The following CACNA2D3 variants were observed in gnomAD, a reference collection of about 807,000 sequenced individuals.
CACNA2D3 encodes the protein voltage-dependent calcium channel subunit alpha-2/delta-3.
In CACNA2D3, 60 loss-of-function variants were observed where a neutral mutation model predicts 160.6. The observed-to-expected ratio is 0.37, with a 90% CI of 0.30 to 0.46. The LOEUF is 0.46. Among genes scored for constraint, CACNA2D3 ranks in the 20% least tolerant of loss-of-function variants. The probability of loss-of-function intolerance (pLI) is 1.00; values close to 1 mark genes in which losing one functional copy is unlikely to be tolerated. For missense variants in CACNA2D3, 1,205 were observed against 1,365.0 expected (o/e 0.88, Z 1.85); for synonymous variants, 558 against 492.9 (o/e 1.13, Z -1.75).
intron 9 of CACNA2D3, among the ~76,000 whole-genome samples, chr3:54,620,830 A>G (rs532905566): frequency 6.6e-6 from 1 of 152,300 alleles, no homozygotes; most frequent in South Asian, 2.1e-4. Flanking sequence ...CTCGGCCTAC[A>G]TGTAAAATAA....
chr3:54,444,882 CCG>C (rs1043405755), intron 4 of CACNA2D3, among the ~76,000 whole-genome samples: 3 of 152,198 alleles, frequency 2.0e-5, no homozygotes, highest in African/African-American at 7.2e-5. Flanking sequence ...AGATAAACAT[CCG>C]CTTTCTTGGA....
At chr3:54,814,663 A>G (rs1486437444) in intron 13 of CACNA2D3, among the ~76,000 whole-genome samples, 1 of 152,234 alleles carries the variant, frequency 6.6e-6, no homozygotes, top group African/African-American at 2.4e-5. Flanking sequence ...TTCTTGAGGA[A>G]AATATATGTT....
chr3:54,924,390 G>T (rs1339867261), intron 27 of CACNA2D3, among the ~76,000 whole-genome samples: 1 of 152,164 alleles, frequency 6.6e-6, no homozygotes, highest in Admixed American at 6.5e-5. Context: ...TTAAACAAGT[G>T]AAAGTTATCT....
chr3:54,334,775 A>G (rs1704339226), intron 3 of CACNA2D3, among the ~76,000 whole-genome samples: 1 of 152,222 alleles, frequency 6.6e-6, no homozygotes, highest in African/African-American at 2.4e-5. Flanking sequence ...TACATGGCGA[A>G]CACTTTGTAA....
intron 4 of CACNA2D3, among the ~76,000 whole-genome samples, chr3:54,478,670 A>G (rs867043838): frequency 0.022 from 2,933 of 133,552 alleles, 558 homozygotes; most frequent in African/African-American, 0.079. Context: ...GTATATATAT[A>G]TATATATATT....
At chr3:54,860,108 G>C (rs929989541) in intron 17 of CACNA2D3, among the ~76,000 whole-genome samples, 6 of 151,950 alleles carry the variant, frequency 3.9e-5, no homozygotes, top group African/African-American at 1.5e-4. Context: ...ACCTGGCTTG[G>C]CAGAAATGTG....
At chr3:54,884,458 G>A (rs1483112273) in intron 21 of CACNA2D3, among the ~76,000 whole-genome samples, 1 of 152,198 alleles carries the variant, frequency 6.6e-6, no homozygotes, top group Non-Finnish European at 1.5e-5. Context: ...ATGGAAACTG[G>A]AGTCCTGAGT....
intron 16 of CACNA2D3, among the ~76,000 whole-genome samples, 161 bp downstream of exon 16, chr3:54,838,809 G>A (rs1474311934): frequency 2.0e-5 from 3 of 151,758 alleles, no homozygotes; most frequent in Admixed American, 6.6e-5. Context: ...TTATTTAAAA[G>A]GTTTTTTTTT....
chr3:54,192,535 G>A (rs1045520675), intron 2 of CACNA2D3, among the ~76,000 whole-genome samples: 6 of 152,200 alleles, frequency 3.9e-5, no homozygotes, highest in African/African-American at 1.2e-4. Flanking sequence ...GAGAGTACAT[G>A]CTGTAGAGCA....
chr3:54,428,948 A>G (rs1699948352), intron 4 of CACNA2D3, among the ~76,000 whole-genome samples: 1 of 152,192 alleles, frequency 6.6e-6, no homozygotes, highest in Non-Finnish European at 1.5e-5. Flanking sequence ...TTTGCCCTTG[A>G]CACTAGTAGA....
At chr3:54,143,180 T>A (rs1699968469) in intron 2 of CACNA2D3, among the ~76,000 whole-genome samples, 1 of 152,220 alleles carries the variant, frequency 6.6e-6, no homozygotes, top group South Asian at 2.1e-4. Context: ...CTTCCCAGGA[T>A]TGAAGAAGCT....
At chr3:54,850,442 A>T (rs1202700973) in intron 17 of CACNA2D3, among the ~76,000 whole-genome samples, 1 of 152,236 alleles carries the variant, frequency 6.6e-6, no homozygotes, top group Non-Finnish European at 1.5e-5. Flanking sequence ...ATTGAAGTAT[A>T]GCTACAGACT....
rs994056457 is a variant in CACNA2D3, at chr3:54,585,440, A to G, written c.963+3563A>G. ...GAGAAACAGAGGAATTAGAAAGAGG[A>G]TGAATAGGAAAAAAATAAACTGGCA... On this transcript the variant is annotated intron_variant, in intron 9 of 37. Coordinates refer to ENST00000474759, the MANE Select transcript of CACNA2D3 (RefSeq NM_018398.3). Among the ~76,000 whole-genome samples the G allele has an allele frequency of 7.9e-5, 12 of 152,352 alleles. 1 individual carries two copies. In the South Asian group the frequency reaches 1.0e-3, roughly 13 times the overall value.
intron 4 of CACNA2D3, among the ~76,000 whole-genome samples, chr3:54,478,656 G>GTT (rs1380443613): frequency 1.4e-3 from 1 of 716 alleles, no homozygotes; most frequent in Admixed American, 0.036. Context: ...ATAAATATGT[G>GTT]TGTGTATATA....
At chr3:54,805,045 C>A (rs1319827103) in intron 13 of CACNA2D3, among the ~76,000 whole-genome samples, 1 of 152,104 alleles carries the variant, frequency 6.6e-6, no homozygotes, top group Admixed American at 6.6e-5. Flanking sequence ...GGGACACATT[C>A]AAAGCAGTGT....
intron 6 of CACNA2D3, among the ~76,000 whole-genome samples, chr3:54,564,498 C>T (rs1575348667): frequency 6.6e-6 from 1 of 152,214 alleles, no homozygotes; most frequent in South Asian, 2.1e-4. Flanking sequence ...GGCCACTCAA[C>T]TCTGTGCTTG....
chr3:54,283,275 G>A (rs908891192), intron 2 of CACNA2D3, among the ~76,000 whole-genome samples: 1 of 152,192 alleles, frequency 6.6e-6, no homozygotes, highest in African/African-American at 2.4e-5. Context: ...GTGGTGGACT[G>A]CCCTGGGGTA....
At chr3:54,481,775 G>T (rs562709551) in intron 4 of CACNA2D3, among the ~76,000 whole-genome samples, 15 of 152,280 alleles carry the variant, frequency 9.9e-5, no homozygotes, top group African/African-American at 3.6e-4. Context: ...TGAGGAGGGG[G>T]AAGATATGCT....
At chr3:54,361,120 AC>A (rs2107541273) in intron 3 of CACNA2D3, among the ~76,000 whole-genome samples, 2 of 152,144 alleles carry the variant, frequency 1.3e-5, no homozygotes, top group African/African-American at 4.8e-5. Flanking sequence ...TAGCTGTGAA[AC>A]ATGCCAGTGA....
Sources: gnomAD v4.1 joint callset for allele counts (sites outside exome capture counted in the v4.1 genomes callset) on GRCh38, gnomAD v4.1.1 for gene constraint, MANE v1.5 for transcripts, NCBI Gene and HGNC (gene_info 2026-07-23, HGNC 2026-07-21) for gene names.